The following UBR3 variants were observed in gnomAD, a reference collection of about 807,000 sequenced individuals.
UBR3 encodes ubiquitin protein ligase E3 component n-recognin 3, also known as E3 ubiquitin-protein ligase UBR3.
UBR3 carries 85 observed loss-of-function variants against 243.2 expected under a neutral mutation model. That is an observed-to-expected ratio of 0.35 (90% confidence interval 0.29 to 0.42). The LOEUF is 0.42. UBR3 is among the 10% of genes least tolerant of loss of function. The pLI is 1.00. For synonymous variants in UBR3, 748 were observed against 799.8 expected (o/e 0.94, Z 1.09); for missense variants, 1,686 against 2,300.8 (o/e 0.73, Z 5.47).
chr2:169,832,094 A>C (rs2081958507), intron 1 of UBR3, among the ~76,000 whole-genome samples: 1 of 152,186 alleles, frequency 6.6e-6, no homozygotes, highest in African/African-American at 2.4e-5. Context: ...TTAATTTTCA[A>C]ATTAGCAATT....
At chr2:170,080,260 T>C (rs2091884942) in intron 37 of UBR3, 2 of 571,078 alleles carry the variant, frequency 3.5e-6, no homozygotes, top group Non-Finnish European at 6.0e-6. Context: ...ATCCCTTTAA[T>C]GGTATGTACT....
chr2:169,955,100 A>C (rs2087217463), intron 23 of UBR3, among the ~76,000 whole-genome samples: 1 of 152,174 alleles, frequency 6.6e-6, no homozygotes. Context: ...ATGTAAATGA[A>C]GTGTTGCTGT....
At position 169,856,524 on chromosome 2, in the gene UBR3, G is replaced by A. The variant is rs576798658; in HGVS notation, c.546-15712G>A. Among the ~76,000 whole-genome samples, 172 of 152,244 alleles carry A rather than the reference G, an allele frequency of 1.1e-3. 1 individual carries two copies. Among genetic ancestry groups the A allele is most frequent in the South Asian group, 4.1e-3 (20 of 4,826 alleles). On this transcript the variant is annotated intron_variant, in intron 1 of 38. Coordinates refer to ENST00000272793, the MANE Select transcript of UBR3 (RefSeq NM_172070.4). ...TGTAGCGAGCCGAGATCACGCCACT[G>A]CACTCCAGCCTGGGCAGCATTGAGC...
chr2:170,056,003 CTTTT>C (rs34415442), intron 33 of UBR3, among the ~76,000 whole-genome samples: 4 of 88,914 alleles, frequency 4.5e-5, no homozygotes, highest in Admixed American at 3.0e-4. Context: ...TCTTTTCTTT[CTTTT>C]TTTTTTTTTT....
At chr2:169,879,868 T>C (rs2083756466) in intron 5 of UBR3, among the ~76,000 whole-genome samples, 1 of 152,020 alleles carries the variant, frequency 6.6e-6, no homozygotes, top group Non-Finnish European at 1.5e-5. Context: ...ATGGGAAAAA[T>C]TTTCTGATAT....
chr2:169,978,466 G>A (rs529198219), intron 24 of UBR3, among the ~76,000 whole-genome samples: 1 of 152,102 alleles, frequency 6.6e-6, no homozygotes, highest in Non-Finnish European at 1.5e-5. Context: ...CGGGGGAACA[G>A]GTCACATCTT....
intron 19 of UBR3, 116 bp downstream of exon 19, chr2:169,933,124 G>A: frequency 1.5e-6 from 1 of 670,200 alleles, no homozygotes; most frequent in Non-Finnish European, 2.3e-6. Context: ...TTCTTTAAAG[G>A]TGAAAATAAT....
chr2:169,827,626 G>A lies in UBR3; in HGVS notation c.119G>A (p.Ser40Asn). The change falls in exon 1 of 39, where the codon AGC (serine) becomes AAC (asparagine). Residue 40 changes from serine to asparagine, a missense_variant. Physicochemically the swap from Ser to Asn is conservative, Grantham distance 46. Around this residue, in one of 8 missense-constraint regions of UBR3, gnomAD observed 79 missense variants for 73.2 expected, o/e 1.08. Transcript: ENST00000272793. ...ATAAHLKAAL[S>N]RPDNRAGAEE... ...GCCGCGCACCTCAAGGCGGCCCTCA[G>A]CCGGCCGGACAACCGCGCAGGTGCT... 7.9e-7 allele frequency: 1 copy of A among 1,268,040 alleles called. No homozygotes were observed. Among genetic ancestry groups the A allele is most frequent in the South Asian group, 2.9e-5 (1 of 34,796 alleles). 78.5% of individuals were successfully genotyped at this position (1,268,040 alleles called of 1,614,324 possible). A position where few individuals can be genotyped will look rare whatever the true frequency, so the allele number is the denominator to read the frequency against.
chr2:170,016,059 A>G (rs1463825187), intron 30 of UBR3, among the ~76,000 whole-genome samples: 1 of 151,896 alleles, frequency 6.6e-6, no homozygotes, highest in Non-Finnish European at 1.5e-5. Flanking sequence ...TGATTGGTGT[A>G]GGAAATAAAA....
chr2:169,831,233 C>T (rs1291710062), intron 1 of UBR3, among the ~76,000 whole-genome samples: 4 of 144,566 alleles, frequency 2.8e-5, no homozygotes, highest in African/African-American at 5.2e-5. Context: ...CTCTGCCTCC[C>T]GGGTTCAAGT....
chr2:169,992,745 T>C (rs2089326393), intron 25 of UBR3, among the ~76,000 whole-genome samples: 1 of 152,068 alleles, frequency 6.6e-6, no homozygotes, highest in East Asian at 1.9e-4. Flanking sequence ...AAGAACAAGG[T>C]TATTCTTTTT....
chr2:170,050,618 A>C (rs919037458), intron 32 of UBR3, among the ~76,000 whole-genome samples: 4 of 152,170 alleles, frequency 2.6e-5, no homozygotes, highest in Non-Finnish European at 5.9e-5. Flanking sequence ...TTTTAAACAC[A>C]TTGACTTAGA....
rs1045981312 is a variant in UBR3, at chr2:170,057,820, C to T, written c.4785+2236C>T. On this transcript the variant is annotated intron_variant, in intron 33 of 38. Transcript: ENST00000272793. ...TATATATTAGTGTATTAGTTTATAGCTATATAAATATATAATTTTCTTTAG... is the reference window on the plus strand; with the variant it reads ...TATATATTAGTGTATTAGTTTATAGTTATATAAATATATAATTTTCTTTAG... Among the ~76,000 whole-genome samples the T allele has an allele frequency of 7.9e-5, 12 of 151,782 alleles. 1 individual carries two copies. Among genetic ancestry groups the T allele is most frequent in the Admixed American group, 5.9e-4 (9 of 15,238 alleles).
chr2:169,874,512 G>T (rs1574094220), intron 2 of UBR3, among the ~76,000 whole-genome samples: 1 of 152,056 alleles, frequency 6.6e-6, no homozygotes, highest in Non-Finnish European at 1.5e-5. Context: ...TAAAATTAAA[G>T]AAATTAAAGA....
intron 1 of UBR3, among the ~76,000 whole-genome samples, chr2:169,849,813 G>C (rs992060550): frequency 1.3e-5 from 2 of 152,200 alleles, no homozygotes; most frequent in Admixed American, 6.6e-5. Flanking sequence ...TAAGGATGCT[G>C]CTTTGCTTTT....
chr2:169,831,256 C>T (rs973344407), intron 1 of UBR3, among the ~76,000 whole-genome samples: 1 of 148,414 alleles, frequency 6.7e-6, no homozygotes, highest in Non-Finnish European at 1.5e-5. Context: ...TTCTCTACCT[C>T]AGCCTTCCAA....
rs370571091 is a variant in UBR3, at chr2:169,848,762, G to T, written c.545+20710G>T. Among the ~76,000 whole-genome samples the T allele has an allele frequency of 2.2e-4, 33 of 151,348 alleles. No homozygotes were observed. The South Asian group carries it at 6.9e-3, about 32-fold the overall frequency. Reference sequence around the variant, plus strand: ...CTGTTGCCCAGGCTGGAGTGCAGTGGTGTGATCTCGGCTCACTGCAACCTC... The same window carrying T: ...CTGTTGCCCAGGCTGGAGTGCAGTGTTGTGATCTCGGCTCACTGCAACCTC... On this transcript the variant is annotated intron_variant, in intron 1 of 38. Coordinates refer to ENST00000272793, the MANE Select transcript of UBR3 (RefSeq NM_172070.4).
intron 14 of UBR3, among the ~76,000 whole-genome samples, chr2:169,926,382 G>A (rs2085909309): frequency 6.6e-6 from 1 of 152,200 alleles, no homozygotes; most frequent in Non-Finnish European, 1.5e-5. Context: ...GAGGCCAGGA[G>A]TTTGAGACCA....
At chr2:170,018,929 T>C (rs1201212176) in intron 30 of UBR3, among the ~76,000 whole-genome samples, 2 of 152,206 alleles carry the variant, frequency 1.3e-5, no homozygotes, top group African/African-American at 4.8e-5. Context: ...ATTTTTGGCA[T>C]GATATTCTCA....
Sources: allele counts gnomAD v4.1 joint callset (sites outside exome capture counted in the v4.1 genomes callset), GRCh38; gene constraint gnomAD v4.1.1; regional missense constraint gnomAD v4.1.1; transcripts MANE v1.5; gene names NCBI Gene and HGNC (gene_info 2026-07-23, HGNC 2026-07-21).